XPR1: variants seen among roughly 807,000 people sequenced by gnomAD.
XPR1 encodes xenotropic and polytropic retrovirus receptor 1, also known as solute carrier family 53 member 1.
Under a neutral mutation model 87.5 loss-of-function variants are expected in XPR1, and 28 were observed. That is an observed-to-expected ratio of 0.32 (90% confidence interval 0.24 to 0.44). XPR1 has a LOEUF of 0.44. XPR1 is among the 20% of genes least tolerant of loss of function. The pLI is 1.00. For missense variants in XPR1, 559 were observed against 862.3 expected, an observed-to-expected ratio of 0.65 and a Z score of 4.41; for synonymous variants, 300 against 306.1, an observed-to-expected ratio of 0.98 and a Z score of 0.21.
chr1:180,813,745 G>A (rs1340462120), intron 7 of XPR1, among the ~76,000 whole-genome samples: 4 of 152,016 alleles, frequency 2.6e-5, no homozygotes, highest in Non-Finnish European at 5.9e-5. Context: ...TATACCTAAG[G>A]GTCTATGTAA....
chr1:180,656,401 ATATTTATATATTTATATATAAATATT>A (rs1557941234), intron 1 of XPR1, among the ~76,000 whole-genome samples: 115 of 48,358 alleles, frequency 2.4e-3, no homozygotes, highest in African/African-American at 7.3e-3. Flanking sequence ...TTATATATAA[ATATTTATATATTTATATATAAATATT>A]TATATATTTA....
At chr1:180,689,304 G>A (rs1227719152) in intron 2 of XPR1, among the ~76,000 whole-genome samples, 1 of 152,048 alleles carries the variant, frequency 6.6e-6, no homozygotes, top group East Asian at 1.9e-4. Flanking sequence ...AAATGACTTT[G>A]CATTTTTCTC....
intron 1 of XPR1, among the ~76,000 whole-genome samples, chr1:180,670,769 A>G (rs1338722972): frequency 1.3e-5 from 2 of 152,196 alleles, no homozygotes; most frequent in African/African-American, 4.8e-5. Flanking sequence ...GGATTCTCTT[A>G]AATATTTCTT....
chr1:180,751,338 T>G (rs1647528219), intron 2 of XPR1, among the ~76,000 whole-genome samples: 1 of 152,048 alleles, frequency 6.6e-6, no homozygotes, highest in African/African-American at 2.4e-5. Context: ...ATGACCAAAT[T>G]TTCTTGCCTA....
At chr1:180,732,210 A>G (rs1011732737) in intron 2 of XPR1, among the ~76,000 whole-genome samples, 2 of 145,022 alleles carry the variant, frequency 1.4e-5, no homozygotes, top group Non-Finnish European at 3.0e-5. Context: ...AAAAAAAAAA[A>G]GAAGTAAAAT....
intron 1 of XPR1, among the ~76,000 whole-genome samples, chr1:180,661,642 G>T (rs1222859822): frequency 6.6e-6 from 1 of 152,006 alleles, no homozygotes; most frequent in Admixed American, 6.6e-5. Context: ...GGCCAAGGGG[G>T]GCAGATCACC....
intron 1 of XPR1, among the ~76,000 whole-genome samples, chr1:180,647,429 A>C (rs1655153798): frequency 6.6e-6 from 1 of 152,238 alleles, no homozygotes. Flanking sequence ...TTATGAGACC[A>C]CTGTTGTATA....
intron 1 of XPR1, among the ~76,000 whole-genome samples, chr1:180,632,963 T>C (rs1183035549): frequency 6.6e-6 from 1 of 152,244 alleles, no homozygotes; most frequent in Non-Finnish European, 1.5e-5. Context: ...ATAACATCTT[T>C]GTTTTTGCCT....
chr1:180,724,289 C>T (rs757016935), intron 2 of XPR1, among the ~76,000 whole-genome samples: 27 of 152,114 alleles, frequency 1.8e-4, no homozygotes, highest in African/African-American at 3.6e-4. Flanking sequence ...ACCCATTAAG[C>T]ACAGTAAGCA....
rs1017173826 is a variant in XPR1, at chr1:180,697,098, C to T, written c.121+14687C>T. 9.2e-5 allele frequency among the ~76,000 whole-genome samples: 14 copies of T among 152,202 alleles called. 1 individual carries two copies. The East Asian group carries it at 2.7e-3, about 29-fold the overall frequency. ...GTTTGGTAGGATTCAGCAGTAAAGCCATCCAATCCTGGAATTTTCTTGGTT... is the reference window on the plus strand; with the variant it reads ...GTTTGGTAGGATTCAGCAGTAAAGCTATCCAATCCTGGAATTTTCTTGGTT... On this transcript the variant is annotated intron_variant, in intron 2 of 14. Transcript: ENST00000367590.
At chr1:180,794,353 A>G (rs12070595) in intron 3 of XPR1, among the ~76,000 whole-genome samples, 6,531 of 152,274 alleles carry the variant, frequency 0.043, 497 homozygotes, top group African/African-American at 0.15. Context: ...ACATGCTGTC[A>G]GTCGTTGACC....
chr1:180,787,390 C>G (rs554454685), intron 2 of XPR1, among the ~76,000 whole-genome samples: 7 of 152,108 alleles, frequency 4.6e-5, no homozygotes, highest in Admixed American at 3.3e-4. Context: ...CAACCTCCAC[C>G]TACCTCAGCC....
intron 2 of XPR1, among the ~76,000 whole-genome samples, chr1:180,760,735 G>A (rs1647986966): frequency 6.6e-6 from 1 of 151,950 alleles, no homozygotes; most frequent in South Asian, 2.1e-4. Flanking sequence ...AGCTACCAAT[G>A]GACTTTCTTC....
chr1:180,742,593 G>T (rs1467013513), intron 2 of XPR1, among the ~76,000 whole-genome samples: 2 of 152,032 alleles, frequency 1.3e-5, no homozygotes, highest in African/African-American at 4.8e-5. Flanking sequence ...AAAAGGATAA[G>T]TATGTATATT....
intron 1 of XPR1, among the ~76,000 whole-genome samples, chr1:180,632,485 A>G (rs1427649174): frequency 6.6e-6 from 1 of 152,004 alleles, no homozygotes; most frequent in African/African-American, 2.4e-5. Context: ...CGCCGGGGTA[A>G]CGGATATGCA....
intron 11 of XPR1, among the ~76,000 whole-genome samples, chr1:180,854,924 C>G (rs1017448412): frequency 2.6e-5 from 4 of 152,114 alleles, no homozygotes; most frequent in African/African-American, 9.7e-5. Flanking sequence ...GTGTAGGCTG[C>G]CCAGAGACTA....
intron 2 of XPR1, among the ~76,000 whole-genome samples, chr1:180,704,208 T>C (rs1262961376): frequency 6.9e-6 from 1 of 145,246 alleles, no homozygotes; most frequent in African/African-American, 2.5e-5. Flanking sequence ...ATATATAATG[T>C]GTGTATGTAT....
chr1:180,863,868 C>T lies in XPR1; in HGVS notation c.1662C>T (p.Pro554=), dbSNP rs1652298047. ...NTFLREEIVY[P]QKAYYYCAII... ...TCCTCCGGGAAGAGATTGTATACCC[C>T]CAAAAAGTATGTATAAAGAGTGTGT... Residue 554 remains proline, a synonymous_variant, in exon 12 of 15, where the codon CCC becomes CCT. Transcript: ENST00000367590. 1.3e-6 allele frequency: 2 copies of T among 1,591,476 alleles called. No individual in the cohort carries two copies. Among genetic ancestry groups the T allele is most frequent in the Non-Finnish European group, 8.5e-7 (1 of 1,172,268 alleles).
At chr1:180,667,986 G>C (rs887645567) in intron 1 of XPR1, among the ~76,000 whole-genome samples, 6 of 151,780 alleles carry the variant, frequency 4.0e-5, no homozygotes, top group Non-Finnish European at 7.4e-5. Flanking sequence ...TTATTTCTCA[G>C]TCCATCCGGC....
Sources: allele counts gnomAD v4.1 joint callset (sites outside exome capture counted in the v4.1 genomes callset), GRCh38; gene constraint gnomAD v4.1.1; transcripts MANE v1.5; gene names NCBI Gene and HGNC (gene_info 2026-07-23, HGNC 2026-07-21).